The following CACNA1A variants were observed in gnomAD, a reference collection of about 807,000 sequenced individuals.
CACNA1A encodes voltage-dependent P/Q-type calcium channel subunit alpha-1A.
A neutral mutation model predicts 262.4 loss-of-function variants in CACNA1A; 57 were observed. The ratio of observed to expected loss-of-function variants is 0.22; its 90% CI spans 0.18 to 0.27. The LOEUF (loss-of-function observed/expected upper bound fraction) is 0.27. CACNA1A is among the 10% of genes least tolerant of loss of function. CACNA1A has a pLI of 1.00. For missense variants in CACNA1A, 2,526 were observed against 3,562.8 expected (o/e 0.71, Z 7.41); for synonymous variants, 1,431 against 1,419.3 (o/e 1.01, Z -0.18).
intron 26 of CACNA1A, chr19:13,260,994 A>G (rs1481126564): frequency 1.9e-5 from 3 of 153,932 alleles, no homozygotes; most frequent in African/African-American, 7.2e-5. Context: ...CTGATTGGAC[A>G]TGAAGCTCTT....
At chr19:13,504,025 C>G (rs1045241823) in intron 1 of CACNA1A, among the ~76,000 whole-genome samples, 2 of 152,050 alleles carry the variant, frequency 1.3e-5, no homozygotes, top group Non-Finnish European at 2.9e-5. Context: ...TCCCCACCTC[C>G]TTCCTTTCCT....
At chr19:13,293,550 C>T (rs1425257612) in intron 19 of CACNA1A, among the ~76,000 whole-genome samples, 1 of 146,760 alleles carries the variant, frequency 6.8e-6, no homozygotes. Flanking sequence ...GGTTTTACAC[C>T]ATTCTCCTAC....
At chr19:13,278,216 G>A (rs768138408) in intron 22 of CACNA1A, among the ~76,000 whole-genome samples, 6 of 152,046 alleles carry the variant, frequency 3.9e-5, no homozygotes, top group Non-Finnish European at 8.8e-5. Context: ...ATCCTCCGTG[G>A]CTCCCACCTC....
intron 1 of CACNA1A, among the ~76,000 whole-genome samples, chr19:13,473,149 G>A (rs1978290030): frequency 6.6e-6 from 1 of 152,012 alleles, no homozygotes. Flanking sequence ...AGCTGCTCAG[G>A]AGGCTGAGGT....
intron 10 of CACNA1A, among the ~76,000 whole-genome samples, chr19:13,328,374 C>T (rs1462460455): frequency 6.6e-6 from 1 of 152,064 alleles, no homozygotes; most frequent in Non-Finnish European, 1.5e-5. Flanking sequence ...CAAAGAAAAG[C>T]GTGTTTTGGC....
At chr19:13,240,715 T>C (rs1185872500) in intron 31 of CACNA1A, among the ~76,000 whole-genome samples, 1 of 149,300 alleles carries the variant, frequency 6.7e-6, no homozygotes, top group South Asian at 2.2e-4. Flanking sequence ...GCATAGTGAC[T>C]GTGTGCAGTG....
At chr19:13,388,705 A>T (rs1402670656) in intron 3 of CACNA1A, among the ~76,000 whole-genome samples, 3 of 152,022 alleles carry the variant, frequency 2.0e-5, no homozygotes, top group Non-Finnish European at 4.4e-5. Context: ...ATTCCCCTAT[A>T]TCTCTCTATA....
At chr19:13,393,700 C>A (rs2059755574) in intron 3 of CACNA1A, among the ~76,000 whole-genome samples, 1 of 121,742 alleles carries the variant, frequency 8.2e-6, no homozygotes, top group Admixed American at 8.9e-5. Context: ...TCTTTCTTTA[C>A]CTTTCTCTCT....
At chr19:13,427,413 T>C (rs1386614108) in intron 3 of CACNA1A, among the ~76,000 whole-genome samples, 2 of 151,686 alleles carry the variant, frequency 1.3e-5, no homozygotes, top group Admixed American at 6.6e-5. Context: ...GATCATGCCA[T>C]TGCATTCCAG....
At chr19:13,499,184 A>C (rs5021328) in intron 1 of CACNA1A, among the ~76,000 whole-genome samples, 108,693 of 151,748 alleles carry the variant, frequency 0.72, 39,950 homozygotes, top group African/African-American at 0.88. Context: ...AGAGACAGGG[A>C]GTGCAAAAGG....
At chr19:13,368,540 C>T (rs1568577677) in intron 4 of CACNA1A, among the ~76,000 whole-genome samples, 1 of 152,080 alleles carries the variant, frequency 6.6e-6, no homozygotes, top group Non-Finnish European at 1.5e-5. Flanking sequence ...CAGGTCTGAA[C>T]GATGACAACA....
chr19:13,371,650 G>C (rs372049268), intron 4 of CACNA1A, 38 bp downstream of exon 4: 17 of 1,481,162 alleles, frequency 1.1e-5, no homozygotes, highest in Middle Eastern at 3.4e-4. Context: ...CCTGGGGCCC[G>C]TGAGCAAACC....
At chr19:13,380,781 AT>A (rs2059511565) in intron 3 of CACNA1A, among the ~76,000 whole-genome samples, 1 of 136,318 alleles carries the variant, frequency 7.3e-6, no homozygotes, top group Non-Finnish European at 1.5e-5. Context: ...TTATTTATTT[AT>A]TTATTTATTT....
intron 3 of CACNA1A, among the ~76,000 whole-genome samples, chr19:13,382,126 A>C (rs1003746657): frequency 2.0e-5 from 3 of 152,124 alleles, no homozygotes; most frequent in African/African-American, 7.2e-5. Context: ...GGGAGAGACC[A>C]CACCAATGAG....
At chr19:13,333,036 A>G (rs2058493119) in intron 8 of CACNA1A, 111 bp from the exon 9 acceptor site, 3 of 803,344 alleles carry the variant, frequency 3.7e-6, no homozygotes, top group Non-Finnish European at 6.1e-6. Context: ...ACTGATGGTG[A>G]CAGCTCAACC....
At chr19:13,444,963 C>T (rs1208112084) in intron 3 of CACNA1A, among the ~76,000 whole-genome samples, 1 of 151,932 alleles carries the variant, frequency 6.6e-6, no homozygotes, top group Non-Finnish European at 1.5e-5. Context: ...CATGGAGAAA[C>T]CTCGTCTCTA....
intron 3 of CACNA1A, among the ~76,000 whole-genome samples, chr19:13,395,932 CA>C (rs1264132116): frequency 2.6e-5 from 4 of 152,222 alleles, no homozygotes; most frequent in Non-Finnish European, 5.9e-5. Flanking sequence ...TTTCCCCACT[CA>C]GTCTATTAGC....
At chr19:13,505,047 A>G (rs544455032) in intron 1 of CACNA1A, among the ~76,000 whole-genome samples, 12 of 152,040 alleles carry the variant, frequency 7.9e-5, no homozygotes, top group African/African-American at 2.2e-4. Flanking sequence ...CCTCTCGGCT[A>G]CTCGGGGTAG....
In CACNA1A at chr19:13,212,213, C is replaced by T. The variant is rs776203885; in HGVS notation, c.6193G>A (p.Val2065Met). ...TCTCTGCCCATCTCTCGCATCTCCA[C>T]GGACTGCGGAGCAGATGGCAAAGCC... ...MPNSQPNSQSVEMREMGRDGY... is the reference protein window; with the variant it reads ...MPNSQPNSQSMEMREMGRDGY... Residue 2065 changes from valine (V) to methionine (M), a missense_variant, in exon 43 of 47, where the codon GTG becomes ATG. Physicochemically the swap from Val to Met is conservative, Grantham distance 21 (BLOSUM62 1). Transcript: ENST00000360228. The surrounding 1 kb of genome is among the most constrained non-coding windows in gnomAD (Gnocchi z 5.6). 6.8e-6 allele frequency: 11 copies of T among 1,613,164 alleles called. No individual in the cohort carries two copies. Among genetic ancestry groups the T allele is most frequent in the African/African-American group, 2.7e-5 (2 of 74,922 alleles).
Sources: gnomAD v4.1 joint callset for allele counts (sites outside exome capture counted in the v4.1 genomes callset) on GRCh38, gnomAD v4.1.1 for gene constraint, Gnocchi (gnomAD v3.1) non-coding constraint, MANE v1.5 for transcripts, NCBI Gene and HGNC (gene_info 2026-07-23, HGNC 2026-07-21) for gene names.